COL5A2: variants seen among roughly 807,000 people sequenced by gnomAD.
The protein encoded by COL5A2 is collagen alpha-2(V) chain.
Under a neutral mutation model 208.2 loss-of-function variants are expected in COL5A2, and 23 were observed. The ratio of observed to expected loss-of-function variants is 0.11; its 90% CI spans 0.08 to 0.16. COL5A2 has a LOEUF of 0.16. Among genes scored for constraint, COL5A2 ranks in the 10% least tolerant of loss-of-function variants. COL5A2 has a pLI of 1.00. For missense variants in COL5A2, 1,590 were observed against 1,956.4 expected, an observed-to-expected ratio of 0.81 and a Z score of 3.53; for synonymous variants, 625 against 628.5, an observed-to-expected ratio of 0.99 and a Z score of 0.08.
chr2:189,051,540 T>G, intron 41 of COL5A2, 59 bp from the exon 42 acceptor site: 1 of 1,506,318 alleles, frequency 6.6e-7, no homozygotes. Context: ...GTAAGAGTGA[T>G]TGACATAACG....
chr2:189,093,922 G>A (rs1363580317), intron 6 of COL5A2, among the ~76,000 whole-genome samples: 1 of 152,172 alleles, frequency 6.6e-6, no homozygotes, highest in Admixed American at 6.5e-5. Flanking sequence ...TTCTTGCAAT[G>A]CTCAGTTGCT....
chr2:189,038,380 C>T (rs1171975473), intron 51 of COL5A2, among the ~76,000 whole-genome samples: 2 of 152,180 alleles, frequency 1.3e-5, no homozygotes, highest in Non-Finnish European at 2.9e-5. Flanking sequence ...TTTATGGCCA[C>T]ATAATGTTCC....
the COL5A2 span, among the ~76,000 whole-genome samples, chr2:189,279,529 TAAA>T: frequency 1.7e-5 from 2 of 114,542 alleles, no homozygotes. Context: ...AGCATTTTTG[TAAA>T]AAAAAAAAAA....
chr2:189,120,520 A>G (rs904869693), intron 1 of COL5A2, among the ~76,000 whole-genome samples: 3 of 152,226 alleles, frequency 2.0e-5, no homozygotes, highest in Non-Finnish European at 4.4e-5. Flanking sequence ...TTATGGAAAT[A>G]TAAAATTCTG....
the COL5A2 span, among the ~76,000 whole-genome samples, chr2:189,306,325 T>C: frequency 6.6e-6 from 1 of 152,156 alleles, no homozygotes; most frequent in African/African-American, 2.4e-5. Context: ...GATTGAAACT[T>C]TGTTGGGTCT....
chr2:189,288,218 T>A, the COL5A2 span, among the ~76,000 whole-genome samples: 1 of 152,230 alleles, frequency 6.6e-6, no homozygotes, highest in Non-Finnish European at 1.5e-5. Flanking sequence ...AACAAGTTTA[T>A]AACCATGCAT....
chr2:189,255,830 T>C, the COL5A2 span, among the ~76,000 whole-genome samples: 1 of 152,156 alleles, frequency 6.6e-6, no homozygotes, highest in African/African-American at 2.4e-5. Flanking sequence ...ATCATCTTGA[T>C]GAAGGGATTA....
the COL5A2 span, among the ~76,000 whole-genome samples, chr2:189,428,722 T>C: frequency 1.6e-4 from 25 of 152,228 alleles, no homozygotes; most frequent in African/African-American, 6.0e-4. Context: ...ATTGCAAGTT[T>C]CTGAGGCCTC....
At position 189,110,294 on chromosome 2, in the gene COL5A2, G is replaced by A; in HGVS notation, c.253C>T (p.Pro85Ser). The part of the protein sequence containing the change: ...ECQDVLDCAD[P>S]VTPPGECCPV... The stretch of plus-strand genomic sequence containing the variant: ...CAGCATTCCCCAGGGGGCGTTACAG[G>A]GTCGGCACAGTCCAGCACATCCTGG... The change falls in exon 2 of 54, where the codon CCT becomes TCT. Residue 85 changes from proline (P) to serine (S), a missense_variant. By Grantham distance (74) the Pro-to-Ser change is moderately conservative. Transcript: ENST00000374866. 6.2e-7 allele frequency: 1 copy of A among 1,614,084 alleles called. No individual in the cohort carries two copies. The highest frequency in any genetic ancestry group is 8.5e-7 in the Non-Finnish European group (1 of 1,180,002).
the COL5A2 span, among the ~76,000 whole-genome samples, chr2:189,414,776 A>AAAAG: frequency 6.8e-5 from 9 of 133,136 alleles, no homozygotes; most frequent in Non-Finnish European, 8.1e-5. Context: ...AAAAAAAAAA[A>AAAAG]GAATGTTTCC....
chr2:189,340,846 A>C, the COL5A2 span, among the ~76,000 whole-genome samples: 1 of 152,196 alleles, frequency 6.6e-6, no homozygotes, highest in Non-Finnish European at 1.5e-5. Flanking sequence ...ACTTAGCAGC[A>C]CAAGGATTAA....
chr2:189,206,902 G>C (rs1006914981), intron 1 of COL5A2, among the ~76,000 whole-genome samples: 1 of 152,290 alleles, frequency 6.6e-6, no homozygotes, highest in East Asian at 1.9e-4. Context: ...ATAAGAACCT[G>C]TAAATTCTAT....
At chr2:189,321,444 T>C in the COL5A2 span, among the ~76,000 whole-genome samples, 1 of 152,084 alleles carries the variant, frequency 6.6e-6, no homozygotes, top group East Asian at 1.9e-4. Flanking sequence ...GAGACACACA[T>C]AGGCTCAAAA....
At chr2:189,204,826 A>G (rs1467894318) in intron 1 of COL5A2, among the ~76,000 whole-genome samples, 4 of 152,110 alleles carry the variant, frequency 2.6e-5, no homozygotes, top group African/African-American at 9.7e-5. Context: ...TATGTCTTCT[A>G]TGGGCTTGGA....
intron 31 of COL5A2, 82 bp downstream of exon 31, chr2:189,060,648 G>T: frequency 8.6e-7 from 1 of 1,166,242 alleles, no homozygotes; most frequent in Non-Finnish European, 1.3e-6. Context: ...GTAAAGGAAA[G>T]CACAACAGAG....
chr2:189,103,732 A>G (rs1687095248), intron 3 of COL5A2, among the ~76,000 whole-genome samples: 2 of 152,036 alleles, frequency 1.3e-5, no homozygotes, highest in African/African-American at 4.8e-5. Flanking sequence ...CTGAAGGTGA[A>G]GGAGGGGAGA....
intron 1 of COL5A2, among the ~76,000 whole-genome samples, chr2:189,201,778 A>G (rs1443737804): frequency 6.6e-6 from 1 of 151,954 alleles, no homozygotes; most frequent in East Asian, 1.9e-4. Context: ...TAATTTCTCA[A>G]CAACAATAAA....
chr2:189,116,579 T>C (rs1687395709), intron 1 of COL5A2, among the ~76,000 whole-genome samples: 1 of 152,182 alleles, frequency 6.6e-6, no homozygotes. Flanking sequence ...TCAAGATCTA[T>C]GGGATGGTGG....
At chr2:189,054,529 T>C (rs2105567926) in intron 35 of COL5A2, among the ~76,000 whole-genome samples, 1 of 152,320 alleles carries the variant, frequency 6.6e-6, no homozygotes. Flanking sequence ...TTTCTTAGCA[T>C]AATTAGCTTT....
Sources: gnomAD v4.1 joint callset for allele counts (sites outside exome capture counted in the v4.1 genomes callset) on GRCh38, gnomAD v4.1.1 for gene constraint, MANE v1.5 for transcripts, NCBI Gene and HGNC (gene_info 2026-07-23, HGNC 2026-07-21) for gene names.